Variants in RIF1 observed in about 807,000 individuals in gnomAD.
The protein encoded by RIF1 is telomere-associated protein RIF1.
A neutral mutation model predicts 247.1 loss-of-function variants in RIF1; 45 were observed. The observed-to-expected ratio is 0.18, with a 90% CI of 0.14 to 0.23. The LOEUF is 0.23. Ranked by LOEUF, RIF1 falls within the 10% of genes least tolerant of loss-of-function variation. RIF1 has a pLI of 1.00. For synonymous variants in RIF1, 1,087 were observed against 978.8 expected (o/e 1.11, Z -2.06); for missense variants, 2,967 against 2,862.5 (o/e 1.04, Z -0.83).
the RIF1 span, among the ~76,000 whole-genome samples, chr2:151,529,030 T>C: frequency 1.1e-4 from 16 of 152,318 alleles, no homozygotes; most frequent in South Asian, 2.1e-4. Context: ...CCTATGCTCC[T>C]TTGTGAGGAC....
chr2:151,534,206 T>C, the RIF1 span: 1 of 1,610,466 alleles, frequency 6.2e-7, no homozygotes, highest in Non-Finnish European at 8.5e-7. Context: ...GCCAGCCCCA[T>C]CACAGTACCT....
chr2:151,497,572 G>A, intron 10 of RIF1: 1 of 1,535,734 alleles, frequency 6.5e-7, no homozygotes, highest in East Asian at 2.5e-5. Flanking sequence ...TTTAAATCAT[G>A]AAAGTTTTCA....
At chr2:151,429,734 T>A (rs1015231996) in intron 9 of RIF1, among the ~76,000 whole-genome samples, 11 of 152,214 alleles carry the variant, frequency 7.2e-5, no homozygotes, top group African/African-American at 2.7e-4. Context: ...AATATTGATA[T>A]ATGGAAGTCA....
the RIF1 span, chr2:151,516,628 T>C: frequency 9.5e-7 from 1 of 1,053,226 alleles, no homozygotes; most frequent in Non-Finnish European, 1.4e-6. Context: ...AGTTTAAGGA[T>C]AGTATTTTTT....
intron 8 of RIF1, among the ~76,000 whole-genome samples, chr2:151,424,939 A>G (rs1454469765): frequency 4.0e-5 from 6 of 148,350 alleles, no homozygotes; most frequent in Admixed American, 2.8e-4. Context: ...TCAGCCTCCA[A>G]AATTGTTGGA....
chr2:151,435,459 A>C lies in RIF1; in HGVS notation c.1078-4A>C, dbSNP rs1379768273. ...ATAGATCGATGTTTTCTTTTACCCC[A>C]TAGGTTTGTGTGCCTCTGATTCAAA... On this transcript the variant is annotated splice_region_variant and splice_polypyrimidine_tract_variant and intron_variant, in intron 10 of 35. Transcript: ENST00000444746. 6.4e-7 allele frequency: 1 copy of C among 1,551,814 alleles called. No homozygotes were observed. The highest frequency in any genetic ancestry group is 8.9e-7 in the Non-Finnish European group (1 of 1,123,856).
chr2:151,433,331 AGACTAG>A, intron 10 of RIF1, 103 bp downstream of exon 10: 3 of 784,532 alleles, frequency 3.8e-6, no homozygotes, highest in Non-Finnish European at 5.9e-6. Context: ...ATTTATTAGC[AGACTAG>A]AACATATAAA....
exon 14 of RIF1, chr2:151,507,729 G>T: frequency 2.8e-6 from 1 of 362,574 alleles, no homozygotes; most frequent in Non-Finnish European, 5.0e-6. Flanking sequence ...TTTGTTACAG[G>T]GGTTTTCGCC....
chr2:151,432,219 A>G (rs943398423), intron 9 of RIF1, among the ~76,000 whole-genome samples: 43 of 152,144 alleles, frequency 2.8e-4, no homozygotes, highest in African/African-American at 1.0e-3. Flanking sequence ...CATGTTGGTC[A>G]GGCTGGTTTC....
rs1262860593 is a variant in RIF1, at chr2:151,463,732, G to C, written c.4212G>C (p.Gln1404His). Residue 1404 changes from glutamine (Q) to histidine (H), a missense_variant, in exon 30 of 36, where the codon CAG becomes CAC. Gln to His is a conservative substitution (Grantham distance 24). Around this residue, in one of 7 missense-constraint regions of RIF1, gnomAD observed 2,028 missense variants for 1,825.6 expected, o/e 1.11. Transcript: ENST00000444746. ...SADQMVNEDS[Q>H]VQITPNQKTL... ...ATCAAATGGTAAATGAGGATAGTCA[G>C]GTTCAGATAACTCCAAATCAGAAAA... 3 of 1,613,842 alleles carry C rather than the reference G, an allele frequency of 1.9e-6. No individual in the cohort carries two copies. The highest frequency in any genetic ancestry group is 3.3e-5 in the Admixed American group (2 of 60,000).
At chr2:151,489,194 C>T (rs2053940493) in intron 9 of RIF1, among the ~76,000 whole-genome samples, 1 of 152,130 alleles carries the variant, frequency 6.6e-6, no homozygotes, top group African/African-American at 2.4e-5. Flanking sequence ...TTAATAAAGA[C>T]AGTTGTCTTC....
At chr2:151,526,638 A>G in the RIF1 span, among the ~76,000 whole-genome samples, 1 of 152,292 alleles carries the variant, frequency 6.6e-6, no homozygotes, top group South Asian at 2.1e-4. Flanking sequence ...CGTTTCCATA[A>G]AGAGTCCAGC....
chr2:151,435,534 T>C lies in RIF1; in HGVS notation c.1149T>C (p.His383=). 1 of 1,611,662 alleles carries C rather than the reference T, an allele frequency of 6.2e-7. No individual in the cohort carries two copies. Among genetic ancestry groups the C allele is most frequent in the Non-Finnish European group, 8.5e-7 (1 of 1,177,816 alleles). ...CCTCACCTCAGGGCAATTCGTGTCATGTAGCTACATCTCCAGGTTTAAATC... is the reference window on the plus strand; with the variant it reads ...CCTCACCTCAGGGCAATTCGTGTCACGTAGCTACATCTCCAGGTTTAAATC... ...SNASPQGNSC[H]VATSPGLNPM... Residue 383 remains histidine, a synonymous_variant, in exon 11 of 36, where the codon CAT becomes CAC. Transcript: ENST00000444746.
chr2:151,460,880 C>T (rs1041220996), intron 26 of RIF1, among the ~76,000 whole-genome samples: 2 of 152,170 alleles, frequency 1.3e-5, no homozygotes, highest in African/African-American at 2.4e-5. Context: ...GCCTGACAGA[C>T]GGTTTTGTCC....
chr2:151,482,416 CTGTTGT>C (rs566416682), downstream of RIF1, among the ~76,000 whole-genome samples: 1 of 151,868 alleles, frequency 6.6e-6, no homozygotes, highest in Non-Finnish European at 1.5e-5. Context: ...GGTGGTTTTT[CTGTTGT>C]TGTTGTTGTT....
intron 25 of RIF1, 105 bp from the exon 26 acceptor site, chr2:151,459,895 A>G: frequency 1.1e-6 from 1 of 931,676 alleles, no homozygotes; most frequent in Non-Finnish European, 1.6e-6. Context: ...AAAAATTTTG[A>G]CAATATTTGC....
At position 151,465,873 on chromosome 2, in the gene RIF1, A is replaced by G. The variant is rs757767649; in HGVS notation, c.6353A>G (p.Gln2118Arg). The change falls in exon 30 of 36, where the codon CAG becomes CGG. Residue 2118 changes from glutamine (Q) to arginine (R), a missense_variant. Around this residue, in one of 7 missense-constraint regions of RIF1, gnomAD observed 2,028 missense variants for 1,825.6 expected, o/e 1.11. Coordinates refer to ENST00000444746, the MANE Select transcript of RIF1 (RefSeq NM_018151.5). ...DILQEDHHTS[Q>R]KVEEPSQCLA... ...TTACAGGAAGATCACCATACTTCAC[A>G]GAAAGTGGAGGAACCATCACAGTGT... The G allele has an allele frequency of 6.2e-7, 1 of 1,613,704 alleles. No homozygotes were observed. Among genetic ancestry groups the G allele is most frequent in the Non-Finnish European group, 8.5e-7 (1 of 1,179,550 alleles).
chr2:151,481,921 C>T lies in RIF1; in HGVS notation c.*6850C>T, dbSNP rs556507323. ...CCTGTGTCTGTGGAAATTGTCTCCACGAAACCGGTCCCTGTTGAAAAAAGG... is the reference window on the plus strand; with the variant it reads ...CCTGTGTCTGTGGAAATTGTCTCCATGAAACCGGTCCCTGTTGAAAAAAGG... On this transcript the variant is annotated 3_prime_UTR_variant, in exon 36 of 36. Transcript: ENST00000444746. 9.3e-4 allele frequency: 142 copies of T among 152,334 alleles called. No individual in the cohort carries two copies. The highest frequency in any genetic ancestry group is 6.8e-3 in the Middle Eastern group (2 of 294). The allele number at this position is 152,334 out of a possible 1,614,324, so 9.4% of individuals were successfully genotyped here. A position where few individuals can be genotyped will look rare whatever the true frequency, so the allele number is the denominator to read the frequency against.
the RIF1 span, chr2:151,516,648 G>T: frequency 1.1e-6 from 1 of 882,708 alleles, no homozygotes; most frequent in Non-Finnish European, 1.8e-6. Context: ...TAATTGATAT[G>T]TTCTGTCAAT....
Sources: allele counts gnomAD v4.1 joint callset (sites outside exome capture counted in the v4.1 genomes callset), GRCh38; gene constraint gnomAD v4.1.1; regional missense constraint gnomAD v4.1.1; transcripts MANE v1.5; gene names NCBI Gene and HGNC (gene_info 2026-07-23, HGNC 2026-07-21).